DOP1B: variants seen among roughly 807,000 people sequenced by gnomAD.
DOP1B encodes DOP1 leucine zipper like protein B.
A neutral mutation model predicts 233.5 loss-of-function variants in DOP1B; 174 were observed. The ratio of observed to expected loss-of-function variants is 0.75; its 90% CI spans 0.66 to 0.85. DOP1B has a LOEUF of 0.85. DOP1B is among the 40% of genes least tolerant of loss of function. The pLI is 0.00. For synonymous variants in DOP1B, 1,190 were observed against 1,185.6 expected (o/e 1.00, Z -0.08); for missense variants, 2,652 against 2,846.6 (o/e 0.93, Z 1.56).
intron 15 of DOP1B, among the ~76,000 whole-genome samples, chr21:36,235,402 C>G (rs576217257): frequency 1.3e-5 from 2 of 152,086 alleles, no homozygotes; most frequent in East Asian, 3.9e-4. Context: ...ACACCCAGAA[C>G]AGAGGAGTAG....
rs964535116 is a variant in DOP1B at position 36,246,912 on chromosome 21, C to T, written c.4697+235C>T. Among the ~76,000 whole-genome samples, 19 of 149,264 alleles carry T rather than the reference C, an allele frequency of 1.3e-4. No homozygotes were observed. Among genetic ancestry groups the T allele is most frequent in the African/African-American group, 4.8e-4 (19 of 39,608 alleles). ...TGTTATGTTATTTTTGAGACAGAGT[C>T]TCTGTCACCCAGGCTGGAGTGCAGT... On this transcript the variant is annotated intron_variant, in intron 19 of 36. Transcript: ENST00000691173. The surrounding 1 kb of genome is among the most constrained non-coding windows in gnomAD (Gnocchi z 5.1).
chr21:36,263,960 A>C, intron 26 of DOP1B, 146 bp downstream of exon 26: 1 of 863,806 alleles, frequency 1.2e-6, no homozygotes, highest in Non-Finnish European at 1.8e-6. Context: ...TACTTCTGCC[A>C]TCACTGTCTC....
rs536893457 is a variant in DOP1B at position 36,246,389 on chromosome 21, G to T, written c.4409G>T (p.Arg1470Leu). The T allele has an allele frequency of 4.4e-5, 71 of 1,613,096 alleles. No individual in the cohort carries two copies. The highest frequency in any genetic ancestry group is 5.6e-5 in the Non-Finnish European group (66 of 1,179,752). ...EEAENQPDLS[R>L]EWQRALNFQQ... ...GCGGAAAACCAGCCCGACCTGTCCC[G>T]GGAGTGGCAGAGAGCCCTGAACTTC... Residue 1470 changes from arginine (R) to leucine (L), a missense_variant, in exon 19 of 37, where the codon CGG (arginine) becomes CTG (leucine). Arg to Leu is a moderately radical substitution (Grantham distance 102, BLOSUM62 -2). Transcript: ENST00000691173. The surrounding 1 kb of genome is among the most constrained non-coding windows in gnomAD (Gnocchi z 5.1).
chr21:36,180,584 A>G (rs1004885976), intron 2 of DOP1B, among the ~76,000 whole-genome samples: 1 of 99,966 alleles, frequency 1.0e-5, no homozygotes, highest in Non-Finnish European at 2.0e-5. Context: ...GTCTCAAAAA[A>G]AGAAAAAAAA....
intron 27 of DOP1B, among the ~76,000 whole-genome samples, chr21:36,275,574 G>A (rs1404850444): frequency 6.7e-6 from 1 of 149,834 alleles, no homozygotes; most frequent in African/African-American, 2.5e-5. Context: ...AGCCAAGATT[G>A]CACCACTGTA....
At chr21:36,292,956 C>T (rs2067576378) in intron 36 of DOP1B, among the ~76,000 whole-genome samples, 1 of 152,000 alleles carries the variant, frequency 6.6e-6, no homozygotes. Flanking sequence ...CTGGTAATCC[C>T]AGCATTTTGG....
Position 36,199,056 on chromosome 21 carries a change from G to A in DOP1B, c.139-14G>A. On this transcript the variant is annotated splice_polypyrimidine_tract_variant and intron_variant, in intron 2 of 36. Coordinates refer to ENST00000691173, the MANE Select transcript of DOP1B (RefSeq NM_001320714.2). ...GCCTTCTTCCTCATGTGTTTTTTTT[G>A]TCTTGTTTGACAGGCTCTTCAGAGT... 2 of 1,589,674 alleles carry A rather than the reference G, an allele frequency of 1.3e-6. No individual in the cohort carries two copies. The highest frequency in any genetic ancestry group is 8.5e-7 in the Non-Finnish European group (1 of 1,170,280).
chr21:36,199,395 T>C, intron 3 of DOP1B, 144 bp downstream of exon 3: 1 of 1,010,772 alleles, frequency 9.9e-7, no homozygotes, highest in Non-Finnish European at 1.4e-6. Context: ...CCAGGAGACG[T>C]CACTGGGCGC....
At chr21:36,163,716 C>T (rs993417424) in intron 1 of DOP1B, among the ~76,000 whole-genome samples, 1 of 152,132 alleles carries the variant, frequency 6.6e-6, no homozygotes, top group Admixed American at 6.6e-5. Context: ...AACAGAAAAC[C>T]TGATAGAACA....
intron 2 of DOP1B, among the ~76,000 whole-genome samples, chr21:36,174,648 G>A (rs1025701844): frequency 1.3e-5 from 2 of 152,310 alleles, no homozygotes; most frequent in South Asian, 2.1e-4. Flanking sequence ...GAGACTACAG[G>A]CATGTGTGCG....
intron 2 of DOP1B, among the ~76,000 whole-genome samples, chr21:36,171,305 C>G (rs2065969989): frequency 6.6e-6 from 1 of 152,168 alleles, no homozygotes; most frequent in Non-Finnish European, 1.5e-5. Flanking sequence ...ATTATTAGGC[C>G]CATTTTACCG....
intron 12 of DOP1B, among the ~76,000 whole-genome samples, chr21:36,227,403 C>T (rs1308744231): frequency 1.7e-4 from 25 of 151,138 alleles, no homozygotes; most frequent in East Asian, 1.2e-3. Context: ...AAAAATTAGC[C>T]GGGCGTGGTG....
intron 21 of DOP1B, among the ~76,000 whole-genome samples, chr21:36,250,179 G>A (rs1053263917): frequency 3.3e-5 from 5 of 152,186 alleles, no homozygotes; most frequent in African/African-American, 1.2e-4. Context: ...AGTCCCTCTA[G>A]AGCAGAAGCC....
chr21:36,293,272 A>G (rs2067579672), intron 36 of DOP1B, 48 bp from the exon 37 acceptor site: 4 of 1,585,618 alleles, frequency 2.5e-6, no homozygotes, highest in Non-Finnish European at 3.4e-6. Context: ...AGCCATCTCG[A>G]GCCCTCAGTA....
chr21:36,210,474 G>A (rs917130676), intron 5 of DOP1B, among the ~76,000 whole-genome samples: 44 of 152,194 alleles, frequency 2.9e-4, no homozygotes, highest in African/African-American at 9.2e-4. Context: ...GTGAAACCCC[G>A]TCTCTACTAA....
At chr21:36,213,555 C>T (rs2066524802) in intron 7 of DOP1B, among the ~76,000 whole-genome samples, 1 of 151,500 alleles carries the variant, frequency 6.6e-6, no homozygotes, top group Non-Finnish European at 1.5e-5. Flanking sequence ...CTTTGGGAGG[C>T]CGAGGCAGGT....
In DOP1B at chr21:36,185,596, C is replaced by G. The variant is rs147867216; in HGVS notation, c.139-13474C>G. Among the ~76,000 whole-genome samples the G allele has an allele frequency of 4.5e-4, 69 of 152,300 alleles. 1 individual carries two copies. Among genetic ancestry groups the G allele is most frequent in the African/African-American group, 1.6e-3 (66 of 41,572 alleles). ...ACGAGTATTTCAGGTCGGCCAGCGC[C>G]TTGTGAAGCCCACACTCCAGGGTTG... On this transcript the variant is annotated intron_variant, in intron 2 of 36. Transcript: ENST00000691173.
rs201108773 is a variant in DOP1B at position 36,210,132 on chromosome 21, T to TG, written c.681+1228_681+1229insG. On this transcript the variant is annotated intron_variant, in intron 5 of 36. Coordinates refer to ENST00000691173, the MANE Select transcript of DOP1B (RefSeq NM_001320714.2). ...CTCTTACTCTTGGATCTGACTGGTT[T>TG]CTTCCCATCCCAAATCTGCTAAGAG... is the stretch of plus-strand genomic sequence containing the variant. Among the ~76,000 whole-genome samples the TG allele has an allele frequency of 9.5e-3, 1,442 of 152,220 alleles. 25 individuals carry two copies. The highest frequency in any genetic ancestry group is 0.032 in the African/African-American group (1,325 of 41,520).
chr21:36,169,931 T>C, intron 2 of DOP1B: 2 of 771,150 alleles, frequency 2.6e-6, no homozygotes, highest in Non-Finnish European at 4.8e-6. Flanking sequence ...ACAACCACCA[T>C]AGGTGGTGTC....
Sources: gnomAD v4.1 joint callset for allele counts (sites outside exome capture counted in the v4.1 genomes callset) on GRCh38, gnomAD v4.1.1 for gene constraint, Gnocchi (gnomAD v3.1) non-coding constraint, MANE v1.5 for transcripts, NCBI Gene and HGNC (gene_info 2026-07-23, HGNC 2026-07-21) for gene names.